Variants in KLB observed in about 807,000 individuals in gnomAD.
KLB encodes klotho beta.
KLB carries 44 observed loss-of-function variants against 88.4 expected under a neutral mutation model. The observed-to-expected ratio is 0.50, with a 90% CI of 0.39 to 0.64. KLB has a LOEUF of 0.64. KLB is among the 30% of genes least tolerant of loss of function. The pLI is 0.00. For missense variants in KLB, 1,137 were observed against 1,304.8 expected (o/e 0.87, Z 1.98); for synonymous variants, 548 against 513.4 (o/e 1.07, Z -0.91).
chr4:39,418,698 A>C (rs1743014205), intron 1 of KLB, among the ~76,000 whole-genome samples: 1 of 151,784 alleles, frequency 6.6e-6, no homozygotes, highest in East Asian at 1.9e-4. Flanking sequence ...CTGTAATCCC[A>C]GCACTTTGGG....
Position 39,407,261 on chromosome 4 carries a change from A to G in KLB, c.312A>G (p.Gly104=). ...LQVEGSWKKD[G]KGPSIWDHFI... ...TGGAAGGGAGTTGGAAGAAGGATGG[A>G]AAAGGACCTTCTATATGGGATCATT... The change falls in exon 1 of 5, where the codon GGA becomes GGG. Residue 104 remains glycine (G), a synonymous_variant. Coordinates refer to ENST00000257408, the MANE Select transcript of KLB (RefSeq NM_175737.4). 6.2e-7 allele frequency: 1 copy of G among 1,614,130 alleles called. No individual in the cohort carries two copies. The highest frequency in any genetic ancestry group is 8.5e-7 in the Non-Finnish European group (1 of 1,179,970).
At chr4:39,407,873 A>C (rs114307111) in intron 1 of KLB, 99 bp downstream of exon 1, 11 of 679,982 alleles carry the variant, frequency 1.6e-5, no homozygotes, top group Admixed American at 6.4e-5. Flanking sequence ...AATCAAGGCA[A>C]CTGATTTTAA....
chr4:39,446,511 C>T lies in KLB; in HGVS notation c.1785C>T (p.Thr595=). Residue 595 remains threonine (T), a synonymous_variant, in exon 4 of 5, where the codon ACC becomes ACT. Coordinates refer to ENST00000257408, the MANE Select transcript of KLB (RefSeq NM_175737.4). The surrounding 1 kb of genome is among the most constrained non-coding windows in gnomAD (Gnocchi z 6.4). ...AGATGTTGGCAAGAATGAAAGTCAC[C>T]CACTACCGGTTTGCTCTGGATTGGG... ...QLEMLARMKV[T]HYRFALDWAS... 1 of 1,614,222 alleles carries T rather than the reference C, an allele frequency of 6.2e-7. No homozygotes were observed. The highest frequency in any genetic ancestry group is 1.3e-5 in the African/African-American group (1 of 75,058).
At chr4:39,414,890 A>AT (rs904021278) in intron 1 of KLB, among the ~76,000 whole-genome samples, 5 of 150,982 alleles carry the variant, frequency 3.3e-5, no homozygotes, top group Admixed American at 6.6e-5. Flanking sequence ...AAAAAAAAAA[A>AT]GCAAAATTCA....
At chr4:39,408,998 C>A (rs954347911) in intron 1 of KLB, among the ~76,000 whole-genome samples, 1 of 137,986 alleles carries the variant, frequency 7.2e-6, no homozygotes, top group African/African-American at 2.6e-5. Flanking sequence ...TTTGTACATA[C>A]AAAAATATCT....
At chr4:39,420,396 A>C (rs184752977) in intron 1 of KLB, among the ~76,000 whole-genome samples, 9 of 152,292 alleles carry the variant, frequency 5.9e-5, no homozygotes, top group African/African-American at 1.9e-4. Flanking sequence ...TATAGAATGA[A>C]ATTCAGAGTA....
rs1742752187 is a variant in KLB, at chr4:39,407,307, A to C, written c.358A>C (p.Asn120His). The C allele has an allele frequency of 3.7e-6, 6 of 1,614,160 alleles. No homozygotes were observed. Among genetic ancestry groups the C allele is most frequent in the Non-Finnish European group, 5.1e-6 (6 of 1,180,010 alleles). Residue 120 changes from asparagine to histidine, a missense_variant, in exon 1 of 5, where the codon AAT (asparagine) becomes CAT (histidine). Transcript: ENST00000257408. ...WDHFIHTHLK[N>H]VSSTNGSSDS... is the part of the protein sequence containing the mutation. ...TCATTTCATCCACACACACCTTAAA[A>C]ATGTCAGCAGCACGAATGGTTCCAG...
intron 3 of KLB, among the ~76,000 whole-genome samples, chr4:39,443,657 A>G (rs1321097278): frequency 2.0e-5 from 3 of 147,528 alleles, no homozygotes; most frequent in Non-Finnish European, 4.5e-5. Context: ...GCTACTTGGG[A>G]GGCGGAGGCA....
rs748070049 is a variant in KLB, at chr4:39,434,307, A to T, written c.923A>T (p.Asn308Ile). The T allele has an allele frequency of 1.4e-5, 22 of 1,614,192 alleles. No individual in the cohort carries two copies. The highest frequency in any genetic ancestry group is 5.0e-5 in the Admixed American group (3 of 60,016). ...ITLGSHWIEP[N>I]RSENTMDIFK... ...TTGGGATCTCATTGGATCGAGCCAAACCGGTCGGAAAACACGATGGATATA... is the reference window on the plus strand; with the variant it reads ...TTGGGATCTCATTGGATCGAGCCAATCCGGTCGGAAAACACGATGGATATA... The change falls in exon 2 of 5, where the codon AAC becomes ATC. Residue 308 changes from asparagine to isoleucine, a missense_variant. This residue lies in a region of KLB where 597 missense variants were observed against 765.2 expected (regional missense o/e 0.78). Coordinates refer to ENST00000257408, the MANE Select transcript of KLB (RefSeq NM_175737.4).
intron 3 of KLB, among the ~76,000 whole-genome samples, chr4:39,444,210 A>G (rs1005322869): frequency 6.6e-6 from 1 of 152,172 alleles, no homozygotes; most frequent in Non-Finnish European, 1.5e-5. Flanking sequence ...CCTTGCCTTA[A>G]TCATTACTTT....
intron 1 of KLB, among the ~76,000 whole-genome samples, chr4:39,408,717 G>C (rs1385867392): frequency 6.6e-6 from 1 of 150,624 alleles, no homozygotes; most frequent in Non-Finnish European, 1.5e-5. Flanking sequence ...TCTTCATTAA[G>C]AATGCTTTGA....
intron 1 of KLB, among the ~76,000 whole-genome samples, chr4:39,419,361 A>G (rs12639940): frequency 0.34 from 51,598 of 152,138 alleles, 10,101 homozygotes; most frequent in South Asian, 0.57. Flanking sequence ...AAGTAATGGA[A>G]ACAGTGCTGG....
intron 1 of KLB, among the ~76,000 whole-genome samples, chr4:39,417,987 T>A (rs186154913): frequency 6.6e-6 from 1 of 152,338 alleles, no homozygotes; most frequent in South Asian, 2.1e-4. Context: ...AAAAAAAATT[T>A]ACAGCTTCAA....
intron 1 of KLB, among the ~76,000 whole-genome samples, chr4:39,430,936 A>G (rs2109832703): frequency 6.9e-6 from 1 of 144,062 alleles, no homozygotes; most frequent in African/African-American, 2.6e-5. Context: ...TTTTCCCCTG[A>G]GTCAGGGTGT....
rs747492253 is a variant in KLB at position 39,450,621 on chromosome 4, ATTTT to A, written c.*1939_*1942del. 6.6e-5 allele frequency: 10 copies of A among 152,142 alleles called. No homozygotes were observed. The highest frequency in any genetic ancestry group is 1.5e-4 in the Non-Finnish European group (10 of 68,024). The allele number at this position is 152,142 out of a possible 1,614,324, so 9.4% of individuals were successfully genotyped here. The stretch of plus-strand genomic sequence containing the variant: ...AGTTTTGAGGTATGATTTTCAAGGA[ATTTT>A]TTTAGTATTAACATCTCCCTCTGAG... On this transcript the variant is annotated 3_prime_UTR_variant, in exon 5 of 5. Coordinates refer to ENST00000257408, the MANE Select transcript of KLB (RefSeq NM_175737.4).
intron 1 of KLB, among the ~76,000 whole-genome samples, chr4:39,427,796 T>C (rs1743253136): frequency 6.6e-6 from 1 of 152,222 alleles, no homozygotes; most frequent in African/African-American, 2.4e-5. Context: ...TTCACAGATA[T>C]TATTGCCTCA....
intron 1 of KLB, among the ~76,000 whole-genome samples, chr4:39,414,741 T>C (rs936225828): frequency 3.3e-5 from 5 of 150,930 alleles, no homozygotes; most frequent in Admixed American, 1.3e-4. Context: ...CGATGGTGGG[T>C]GCCTGTAATC....
chr4:39,440,438 G>A (rs1743574644), intron 3 of KLB, among the ~76,000 whole-genome samples: 1 of 152,048 alleles, frequency 6.6e-6, no homozygotes, highest in Non-Finnish European at 1.5e-5. Flanking sequence ...GAGCCACCAT[G>A]CCCAGACATG....
At chr4:39,430,593 ATTTTTTTTT>A (rs373054180) in intron 1 of KLB, among the ~76,000 whole-genome samples, 5 of 87,684 alleles carry the variant, frequency 5.7e-5, no homozygotes, top group East Asian at 3.4e-4. Flanking sequence ...CTGAGAGGAA[ATTTTTTTTT>A]TTTTTTTTTT....
Sources: allele counts gnomAD v4.1 joint callset (sites outside exome capture counted in the v4.1 genomes callset), GRCh38; gene constraint gnomAD v4.1.1; regional missense constraint gnomAD v4.1.1; non-coding constraint Gnocchi (gnomAD v3.1); transcripts MANE v1.5; gene names NCBI Gene and HGNC (gene_info 2026-07-23, HGNC 2026-07-21).